Variants in NAPB observed in about 807,000 individuals in gnomAD.
NAPB encodes beta-soluble NSF attachment protein.
Under a neutral mutation model 44.7 loss-of-function variants are expected in NAPB, and 26 were observed. That is an observed-to-expected ratio of 0.58 (90% CI 0.43 to 0.81). The LOEUF (loss-of-function observed/expected upper bound fraction) is 0.81, where lower values mean the gene tolerates loss of function less well. Ranked by LOEUF, NAPB falls within the 30% of genes least tolerant of loss-of-function variation. The probability of loss-of-function intolerance (pLI) is 0.00; values close to 1 mark genes in which losing one functional copy is unlikely to be tolerated. For synonymous variants in NAPB, 120 were observed against 116.8 expected (o/e 1.03, Z -0.18); for missense variants, 315 against 356.4 (o/e 0.88, Z 0.94).
intron 2 of NAPB, among the ~76,000 whole-genome samples, chr20:23,402,018 A>G (rs1228313107): frequency 6.6e-6 from 1 of 152,254 alleles, no homozygotes; most frequent in African/African-American, 2.4e-5. Flanking sequence ...TTTCTCCACC[A>G]TTTTAAAAAT....
chr20:23,379,576 A>C, intron 9 of NAPB, 81 bp from the exon 10 acceptor site: 2 of 1,073,634 alleles, frequency 1.9e-6, no homozygotes, highest in Non-Finnish European at 2.7e-6. Flanking sequence ...GTATAATACC[A>C]ATGTTGCCAA....
intron 8 of NAPB, chr20:23,380,927 C>G: frequency 7.1e-6 from 2 of 282,596 alleles, no homozygotes; most frequent in South Asian, 5.1e-5. Context: ...CCAGGCAGTG[C>G]CCCCCATTCA....
chr20:23,407,383 G>A (rs2253924), intron 1 of NAPB, among the ~76,000 whole-genome samples: 45,044 of 151,868 alleles, frequency 0.3, 6,676 homozygotes, highest in Middle Eastern at 0.37. Flanking sequence ...TCCATATTAC[G>A]CAGCAACATA....
At chr20:23,402,495 C>T (rs569579151) in intron 2 of NAPB, among the ~76,000 whole-genome samples, 10 of 152,226 alleles carry the variant, frequency 6.6e-5, no homozygotes, top group Admixed American at 5.9e-4. Flanking sequence ...GTAAATCCAT[C>T]CCCCTCCCCC....
intron 1 of NAPB, among the ~76,000 whole-genome samples, 185 bp from the exon 2 acceptor site, chr20:23,403,257 G>C (rs1344902957): frequency 6.6e-6 from 1 of 152,206 alleles, no homozygotes; most frequent in Non-Finnish European, 1.5e-5. Flanking sequence ...GGGGTGTTAA[G>C]TGGTAAAGTA....
chr20:23,401,021 T>C (rs1798311003), intron 2 of NAPB, among the ~76,000 whole-genome samples: 1 of 150,884 alleles, frequency 6.6e-6, no homozygotes, highest in Non-Finnish European at 1.5e-5. Context: ...ACAAGATTGT[T>C]ATTTTTAAAA....
intron 1 of NAPB, among the ~76,000 whole-genome samples, chr20:23,411,260 G>GT (rs1207487628): frequency 6.6e-6 from 1 of 152,196 alleles, no homozygotes; most frequent in Non-Finnish European, 1.5e-5. Flanking sequence ...ACATATCCTA[G>GT]TAAGATGACT....
Position 23,381,222 on chromosome 20 carries a change from C to G in NAPB, c.657G>C (p.Leu219Phe). 1 of 1,612,448 alleles carries G rather than the reference C, an allele frequency of 6.2e-7. No homozygotes were observed. The highest frequency in any genetic ancestry group is 1.3e-5 in the African/African-American group (1 of 74,992). ...CTGAAGAACTCCTTACCTTGGCATTCAACTCGTCTACTATGAAGTGGCAGA... is the reference window on the plus strand; with the variant it reads ...CTGAAGAACTCCTTACCTTGGCATTGAACTCGTCTACTATGAAGTGGCAGA... ...AALCHFIVDE[L>F]NAKLALEKYE... The change falls in exon 8 of 11, where the codon TTG becomes TTC. Residue 219 changes from leucine (L) to phenylalanine (F), a missense_variant. By Grantham distance (22) the Leu-to-Phe change is conservative. Transcript: ENST00000377026.
chr20:23,417,083 CTTT>C (rs567478910), intron 1 of NAPB, among the ~76,000 whole-genome samples: 3 of 134,182 alleles, frequency 2.2e-5, no homozygotes, highest in Non-Finnish European at 3.2e-5. Flanking sequence ...CACTGGCATT[CTTT>C]TTTTTTTTTT....
intron 2 of NAPB, among the ~76,000 whole-genome samples, chr20:23,399,601 C>T (rs1984676304): frequency 6.6e-6 from 1 of 152,180 alleles, no homozygotes; most frequent in African/African-American, 2.4e-5. Context: ...AGAGTACATG[C>T]CAGCCTCAGG....
intron 5 of NAPB, among the ~76,000 whole-genome samples, chr20:23,391,951 A>G (rs1353451683): frequency 6.6e-6 from 1 of 152,248 alleles, no homozygotes; most frequent in Non-Finnish European, 1.5e-5. Flanking sequence ...CCATTAGTTA[A>G]GTGGCTTCAA....
chr20:23,412,848 T>C (rs1164805530), intron 1 of NAPB, among the ~76,000 whole-genome samples: 1 of 152,058 alleles, frequency 6.6e-6, no homozygotes, highest in East Asian at 1.9e-4. Context: ...ATACAAAAAT[T>C]AGCCAGGTGT....
Position 23,419,424 on chromosome 20 carries a change from G to T in NAPB, c.98+1881C>A, listed in dbSNP as rs77538622. 7.3e-3 allele frequency among the ~76,000 whole-genome samples: 1,118 copies of T among 152,232 alleles called. 8 individuals carry two copies. Among genetic ancestry groups the T allele is most frequent in the African/African-American group, 0.026 (1,062 of 41,524 alleles). ...TTAAGGATTATAAGCTCAAGATTTG[G>T]CCTAGTTTCCTAAAAACATCGAAAA... is the stretch of plus-strand genomic sequence containing the variant. On this transcript the variant is annotated intron_variant, in intron 1 of 10. Transcript: ENST00000377026.
intron 5 of NAPB, among the ~76,000 whole-genome samples, chr20:23,390,956 G>A (rs1378195832): frequency 3.3e-5 from 5 of 152,182 alleles, no homozygotes; most frequent in African/African-American, 9.7e-5. Flanking sequence ...AGGCCAGAAA[G>A]CTAGAAGTCC....
chr20:23,388,483 A>C (rs1709066495), intron 7 of NAPB, among the ~76,000 whole-genome samples: 1 of 152,242 alleles, frequency 6.6e-6, no homozygotes, highest in African/African-American at 2.4e-5. Flanking sequence ...AAAAAGCTGG[A>C]GGACTCACAC....
At chr20:23,415,826 C>T (rs1475586903) in intron 1 of NAPB, among the ~76,000 whole-genome samples, 1 of 151,912 alleles carries the variant, frequency 6.6e-6, no homozygotes, top group East Asian at 1.9e-4. Context: ...ATTAGTCAGG[C>T]ATGGTAGTGC....
intron 2 of NAPB, among the ~76,000 whole-genome samples, chr20:23,401,925 T>C (rs979973455): frequency 6.6e-6 from 1 of 151,684 alleles, no homozygotes; most frequent in Admixed American, 6.6e-5. Flanking sequence ...AATAAATAAG[T>C]AAGTAAGTGA....
chr20:23,397,249 G>A lies in NAPB; in HGVS notation c.179-61C>T, dbSNP rs139626035. On this transcript the variant is annotated intron_variant, in intron 2 of 10. Transcript: ENST00000377026. ...AGTCCCCCCCAGAGCAGCCCATGCT[G>A]TAAGCACTGGACCTCCCTAGAAAAA... The A allele has an allele frequency of 2.2e-4, 333 of 1,540,846 alleles. 2 individuals carry two copies. In the African/African-American group the frequency reaches 4.0e-3, roughly 18 times the overall value.
At chr20:23,399,056 GCA>G (rs766584616) in intron 2 of NAPB, among the ~76,000 whole-genome samples, 2 of 151,854 alleles carry the variant, frequency 1.3e-5, no homozygotes, top group African/African-American at 2.4e-5. Flanking sequence ...CAGAGGAAAT[GCA>G]CAGTTCTCAT....
Sources: allele counts gnomAD v4.1 joint callset (sites outside exome capture counted in the v4.1 genomes callset), GRCh38; gene constraint gnomAD v4.1.1; transcripts MANE v1.5; gene names NCBI Gene and HGNC (gene_info 2026-07-23, HGNC 2026-07-21).